The following RTTN variants were observed in gnomAD, a reference collection of about 807,000 sequenced individuals.
RTTN encodes rotatin.
RTTN carries 182 observed loss-of-function variants against 269.2 expected under a neutral mutation model. The ratio of observed to expected loss-of-function variants is 0.68; its 90% CI spans 0.60 to 0.76. RTTN has a LOEUF of 0.76. Ranked by LOEUF, RTTN falls within the 30% of genes least tolerant of loss-of-function variation. The pLI is 0.00. For missense variants in RTTN, 2,545 were observed against 2,608.6 expected, an observed-to-expected ratio of 0.98 and a Z score of 0.53; for synonymous variants, 1,006 against 963.5, an observed-to-expected ratio of 1.04 and a Z score of -0.82.
chr18:70,061,165 C>A (rs762561185), intron 35 of RTTN: 39 of 274,776 alleles, frequency 1.4e-4, no homozygotes, highest in Non-Finnish European at 2.7e-4. Flanking sequence ...TTTTGAGGAA[C>A]CTGCATACTG....
chr18:70,099,978 C>T (rs1004499807), intron 28 of RTTN, among the ~76,000 whole-genome samples: 6 of 152,236 alleles, frequency 3.9e-5, no homozygotes, highest in African/African-American at 1.4e-4. Context: ...GTTTTGGTTA[C>T]TGTAGCCTTG....
Position 70,109,743 on chromosome 18 carries a change from A to G in RTTN, c.3684-26T>C, listed in dbSNP as rs553592891. On this transcript the variant is annotated intron_variant, in intron 27 of 48. Coordinates refer to ENST00000640769, the MANE Select transcript of RTTN (RefSeq NM_173630.4). ...CTATGTATGCAAAAGAGGGAAAATC[A>G]ACCACCAAGAAAGTATAATGGGCTT... is the stretch of plus-strand genomic sequence containing the variant. The G allele has an allele frequency of 2.3e-5, 36 of 1,589,464 alleles. No individual in the cohort carries two copies. The South Asian group carries it at 3.7e-4, about 16-fold the overall frequency.
intron 32 of RTTN, among the ~76,000 whole-genome samples, chr18:70,078,928 G>GGGT (rs1378567621): frequency 1.3e-5 from 2 of 152,134 alleles, no homozygotes; most frequent in Non-Finnish European, 1.5e-5. Flanking sequence ...TATGATGCAT[G>GGGT]GGTGACAAAA....
chr18:70,141,439 A>G (rs1339926010), intron 19 of RTTN, among the ~76,000 whole-genome samples: 1 of 152,210 alleles, frequency 6.6e-6, no homozygotes, highest in South Asian at 2.1e-4. Context: ...AATACTATGC[A>G]GCCATAAAAA....
At position 70,112,483 on chromosome 18, in the gene RTTN, C is replaced by CAAAAAA. The variant is rs36147576; in HGVS notation, c.3683+1956_3683+1961dup. ...GATGATTTATCAAGCAAATGGAAAG[C>CAAAAAA]AAAAAAAAAAAAAAAAAAGCAAGAG... On this transcript the variant is annotated intron_variant, in intron 27 of 48. Coordinates refer to ENST00000640769, the MANE Select transcript of RTTN (RefSeq NM_173630.4). 1.3e-3 allele frequency among the ~76,000 whole-genome samples: 87 copies of CAAAAAA among 68,022 alleles called. 1 individual carries two copies. Among genetic ancestry groups the CAAAAAA allele is most frequent in the East Asian group, 1.9e-3 (3 of 1,572 alleles). 44.6% of individuals were successfully genotyped at this position (68,022 alleles called of 152,430 possible).
intron 12 of RTTN, among the ~76,000 whole-genome samples, chr18:70,168,027 AGT>A (rs1391226764): frequency 6.6e-6 from 1 of 151,870 alleles, no homozygotes; most frequent in East Asian, 1.9e-4. Flanking sequence ...ATGTGCCTAT[AGT>A]ACTAGTTGCT....
rs781560347 is a variant in RTTN at position 70,142,334 on chromosome 18, G to A, written c.2535C>T (p.Leu845=). 8.7e-6 allele frequency: 14 copies of A among 1,607,720 alleles called. No individual in the cohort carries two copies. The highest frequency in any genetic ancestry group is 1.6e-4 in the Middle Eastern group (1 of 6,078). ...GTTCAGCAGCTGACTTTCTCAAAAC[G>A]AGATCAACATCATCTGAGGTGAAGA... ...YEIFTSDDVD[L]VLRKSAAEQL... Residue 845 remains leucine (L), a synonymous_variant, in exon 19 of 49, where the codon CTC becomes CTT. Transcript: ENST00000640769.
At chr18:70,032,902 A>C (rs1388638933) in intron 40 of RTTN, among the ~76,000 whole-genome samples, 1 of 152,248 alleles carries the variant, frequency 6.6e-6, no homozygotes, top group Non-Finnish European at 1.5e-5. Flanking sequence ...CATGGCACAT[A>C]CTCTAAAATC....
chr18:70,164,152 T>A lies in RTTN; in HGVS notation c.1929+1910A>T, dbSNP rs150083685. On this transcript the variant is annotated intron_variant, in intron 14 of 48. Transcript: ENST00000640769. ...GGTGATGATGGTACAACAATACGAATGTACTTATGCCACTGAATTGTACAC... is the reference window on the plus strand; with the variant it reads ...GGTGATGATGGTACAACAATACGAAAGTACTTATGCCACTGAATTGTACAC... 7.2e-5 allele frequency among the ~76,000 whole-genome samples: 11 copies of A among 152,214 alleles called. No individual in the cohort carries two copies. In the East Asian group the frequency reaches 2.1e-3, roughly 29 times the overall value.
At chr18:70,158,100 C>T (rs2145848638) in intron 14 of RTTN, among the ~76,000 whole-genome samples, 1 of 152,104 alleles carries the variant, frequency 6.6e-6, no homozygotes, top group East Asian at 1.9e-4. Context: ...ACTCAGAGAA[C>T]CCCAGTGAGA....
At chr18:70,066,865 T>C (rs1348909853) in intron 34 of RTTN, among the ~76,000 whole-genome samples, 2 of 152,192 alleles carry the variant, frequency 1.3e-5, no homozygotes, top group Non-Finnish European at 2.9e-5. Flanking sequence ...CAGTTTCTAA[T>C]AGTAAAGAGA....
At chr18:70,032,238 T>C (rs78351927) in intron 40 of RTTN, among the ~76,000 whole-genome samples, 1,951 of 152,264 alleles carry the variant, frequency 0.013, 36 homozygotes, top group African/African-American at 0.043. Flanking sequence ...CACCCTTTGG[T>C]CTGCTGGCTT....
At chr18:70,140,743 T>C (rs2145719272) in intron 19 of RTTN, among the ~76,000 whole-genome samples, 1 of 152,274 alleles carries the variant, frequency 6.6e-6, no homozygotes, top group Admixed American at 6.5e-5. Flanking sequence ...ATTCACATAT[T>C]ATGTTTGTAA....
At chr18:70,005,579 T>A (rs1436718140) in intron 47 of RTTN, 1 of 226,120 alleles carries the variant, frequency 4.4e-6, no homozygotes, top group Non-Finnish European at 8.5e-6. Context: ...TTTCAGTTTT[T>A]CATACTCCCT....
chr18:70,060,061 A>ATT lies in RTTN; in HGVS notation c.4748-20_4748-19insAA. 6.3e-7 allele frequency: 1 copy of ATT among 1,577,024 alleles called. No individual in the cohort carries two copies. The highest frequency in any genetic ancestry group is 2.3e-5 in the East Asian group (1 of 44,064). On this transcript the variant is annotated intron_variant, in intron 35 of 48. Transcript: ENST00000640769. ...TGGTGACCTATTATTGAAAATAAAC[A>ATT]TAAGAATTATTATTTACCTTACAGC...
chr18:70,088,038 A>C lies in RTTN; in HGVS notation c.4253T>G (p.Val1418Gly), dbSNP rs376967382. 6.2e-7 allele frequency: 1 copy of C among 1,613,782 alleles called. No individual in the cohort carries two copies. Among genetic ancestry groups the C allele is most frequent in the South Asian group, 1.1e-5 (1 of 91,074 alleles). Residue 1418 changes from valine to glycine, a missense_variant, in exon 31 of 49, where the codon GTG (valine) becomes GGG (glycine). By Grantham distance (109) the Val-to-Gly change is moderately radical (BLOSUM62 -3). Coordinates refer to ENST00000640769, the MANE Select transcript of RTTN (RefSeq NM_173630.4). The part of the protein sequence containing the change: ...QNISGGLWGT[V>G]VNILLDQSEC... Reference sequence around the variant, plus strand: ...TGACTGGTCCAGAAGAATGTTCACCACAGTTCCCCAGAGCCCACCGGAAAT... The same window carrying C: ...TGACTGGTCCAGAAGAATGTTCACCCCAGTTCCCCAGAGCCCACCGGAAAT...
At chr18:70,131,497 T>A (rs2059998021) in intron 23 of RTTN, 1 of 151,608 alleles carries the variant, frequency 6.6e-6, no homozygotes, top group South Asian at 2.1e-4. Flanking sequence ...ATAATCTCTA[T>A]ATTATAAAAG....
At chr18:70,199,584 T>G (rs2061899552) in intron 4 of RTTN, 80 bp from the exon 5 acceptor site, 1 of 1,008,628 alleles carries the variant, frequency 9.9e-7, no homozygotes, top group Non-Finnish European at 1.5e-6. Flanking sequence ...AAGTTTTCCC[T>G]TTAAAACAAG....
chr18:70,108,135 T>A (rs986702769), intron 28 of RTTN, among the ~76,000 whole-genome samples: 1 of 151,894 alleles, frequency 6.6e-6, no homozygotes, highest in Non-Finnish European at 1.5e-5. Flanking sequence ...AAATTAGCTG[T>A]GCGTGGTGGC....
Sources: gnomAD v4.1 joint callset for allele counts (sites outside exome capture counted in the v4.1 genomes callset) on GRCh38, gnomAD v4.1.1 for gene constraint, MANE v1.5 for transcripts, NCBI Gene and HGNC (gene_info 2026-07-23, HGNC 2026-07-21) for gene names.